Variants in CAMTA1 observed in about 807,000 individuals in gnomAD.
The protein encoded by CAMTA1 is calmodulin binding transcription activator 1.
CAMTA1 carries 27 observed loss-of-function variants against 170.9 expected under a neutral mutation model. The observed-to-expected ratio is 0.16, with a 90% CI of 0.12 to 0.22. The LOEUF (loss-of-function observed/expected upper bound fraction) is 0.22, where lower values mean the gene tolerates loss of function less well. Ranked by LOEUF, CAMTA1 falls within the 10% of genes least tolerant of loss-of-function variation. The probability of loss-of-function intolerance (pLI) is 1.00; values close to 1 mark genes in which losing one functional copy is unlikely to be tolerated. For missense variants in CAMTA1, 1,619 were observed against 2,217.2 expected, an observed-to-expected ratio of 0.73 and a Z score of 5.42; for synonymous variants, 833 against 891.5, an observed-to-expected ratio of 0.93 and a Z score of 1.17.
intron 1 of CAMTA1, among the ~76,000 whole-genome samples, chr1:6,818,496 T>C (rs1353601866): frequency 6.6e-6 from 1 of 152,198 alleles, no homozygotes; most frequent in East Asian, 1.9e-4. Flanking sequence ...CTTGGGTATG[T>C]ATTACCTAAT....
chr1:7,693,617 G>C (rs571747128), intron 11 of CAMTA1: 1 of 152,364 alleles, frequency 6.6e-6, no homozygotes, highest in African/African-American at 2.4e-5. Flanking sequence ...ATTAAAATCA[G>C]CCAAGGGAGG....
chr1:7,193,632 CAT>C (rs1435244396), intron 4 of CAMTA1, among the ~76,000 whole-genome samples: 1 of 152,088 alleles, frequency 6.6e-6, no homozygotes, highest in Non-Finnish European at 1.5e-5. Context: ...TCCTTCCACT[CAT>C]GTGCCCACCT....
In CAMTA1 at chr1:7,415,913, A is replaced by G. The variant is rs1282970342; in HGVS notation, c.439-51917A>G. ...TGGCTGGTACTGGTTGTTCCTTTCC[A>G]TGTTTAGTGCTTCCTTCAGGAGCTC... On this transcript the variant is annotated intron_variant, in intron 5 of 22. Transcript: ENST00000303635. Among the ~76,000 whole-genome samples, 6 of 152,134 alleles carry G rather than the reference A, an allele frequency of 3.9e-5. No homozygotes were observed. In the East Asian group the frequency reaches 9.7e-4, roughly 25 times the overall value.
At chr1:6,837,605 C>G (rs183458665) in intron 3 of CAMTA1, among the ~76,000 whole-genome samples, 1 of 152,106 alleles carries the variant, frequency 6.6e-6, no homozygotes, top group African/African-American at 2.4e-5. Flanking sequence ...AGTCATTTCC[C>G]GTTTTTCCTG....
At chr1:7,118,223 G>A (rs1035862801) in intron 4 of CAMTA1, among the ~76,000 whole-genome samples, 3 of 152,022 alleles carry the variant, frequency 2.0e-5, no homozygotes, top group South Asian at 4.2e-4. Flanking sequence ...TTGCCTGATG[G>A]AGGGACTCTA....
intron 7 of CAMTA1, among the ~76,000 whole-genome samples, chr1:7,659,134 G>T (rs1182647904): frequency 6.6e-6 from 1 of 152,208 alleles, no homozygotes; most frequent in Non-Finnish European, 1.5e-5. Flanking sequence ...GGGAAGGAAA[G>T]GGAGCGGACA....
chr1:7,450,624 G>T (rs1451930610), intron 5 of CAMTA1, among the ~76,000 whole-genome samples: 1 of 152,234 alleles, frequency 6.6e-6, no homozygotes, highest in Non-Finnish European at 1.5e-5. Context: ...CCCCGTGCAG[G>T]TTAGCAGCAC....
chr1:6,943,318 C>T (rs1330423240), intron 3 of CAMTA1, among the ~76,000 whole-genome samples: 3 of 151,984 alleles, frequency 2.0e-5, no homozygotes, highest in African/African-American at 7.3e-5. Context: ...CCCTTGTCTC[C>T]CATTGTCTAC....
chr1:7,597,571 T>C (rs1576313035), intron 6 of CAMTA1, among the ~76,000 whole-genome samples: 1 of 152,130 alleles, frequency 6.6e-6, no homozygotes, highest in East Asian at 1.9e-4. Context: ...AGGATGTGTA[T>C]ATATATGGAG....
chr1:7,385,698 C>T (rs2087878905), intron 5 of CAMTA1, among the ~76,000 whole-genome samples: 1 of 152,206 alleles, frequency 6.6e-6, no homozygotes, highest in Non-Finnish European at 1.5e-5. Flanking sequence ...CAGCGTGCTC[C>T]ACCCAGCACG....
At chr1:7,690,176 A>G (rs1558138192) in intron 11 of CAMTA1, among the ~76,000 whole-genome samples, 1 of 152,200 alleles carries the variant, frequency 6.6e-6, no homozygotes, top group African/African-American at 2.4e-5. Flanking sequence ...AATAAGAAGA[A>G]AGAGCCAGCT....
intron 4 of CAMTA1, among the ~76,000 whole-genome samples, chr1:7,222,988 A>G (rs1258868377): frequency 6.6e-6 from 1 of 152,254 alleles, no homozygotes; most frequent in Non-Finnish European, 1.5e-5. Flanking sequence ...ACCCAATGCC[A>G]AGTCTTCACT....
At position 6,798,768 on chromosome 1, in the gene CAMTA1, T is replaced by G. The variant is rs1207444276; in HGVS notation, c.45+13193T>G. On this transcript the variant is annotated intron_variant, in intron 1 of 22. Transcript: ENST00000303635. ...CCCGCCACCGCGCCCGGCTAATTTT[T>G]TGTATTTTTAGTAGAGACGGGGTTT... is the stretch of plus-strand genomic sequence containing the variant. 1.4e-5 allele frequency among the ~76,000 whole-genome samples: 2 copies of G among 144,288 alleles called. 1 individual carries two copies. Among genetic ancestry groups the G allele is most frequent in the East Asian group, 4.3e-4 (2 of 4,612 alleles). 94.7% of individuals were successfully genotyped at this position (144,288 alleles called of 152,430 possible). A position where few individuals can be genotyped will look rare whatever the true frequency, so the allele number is the denominator to read the frequency against.
intron 5 of CAMTA1, among the ~76,000 whole-genome samples, chr1:7,403,182 G>A (rs151175437): frequency 2.6e-3 from 392 of 152,074 alleles, no homozygotes; most frequent in African/African-American, 8.9e-3. Context: ...GCAAAACCCC[G>A]TCTCTACTAA....
intron 5 of CAMTA1, among the ~76,000 whole-genome samples, chr1:7,263,043 A>G (rs947910640): frequency 2.6e-4 from 39 of 152,094 alleles, no homozygotes; most frequent in Non-Finnish European, 1.6e-4. Context: ...TTCAGACATG[A>G]TATGAAATGT....
intron 5 of CAMTA1, among the ~76,000 whole-genome samples, chr1:7,339,360 T>C (rs537230324): frequency 6.6e-6 from 1 of 152,236 alleles, no homozygotes; most frequent in South Asian, 2.1e-4. Flanking sequence ...GATACAGCAG[T>C]CAGGGAAGCC....
chr1:7,504,687 C>T lies in CAMTA1; in HGVS notation c.510+36786C>T, dbSNP rs530060780. ...TAGAGGGGAGAGGTGAGGTCCAGAA[C>T]ATTCTAGAGCAGTGGTCCTCCATGT... is the stretch of plus-strand genomic sequence containing the variant. On this transcript the variant is annotated intron_variant, in intron 6 of 22. Transcript: ENST00000303635. Among the ~76,000 whole-genome samples, 19 of 152,402 alleles carry T rather than the reference C, an allele frequency of 1.2e-4. No homozygotes were observed. The South Asian group carries it at 3.9e-3, about 32-fold the overall frequency.
chr1:7,193,677 CAG>C (rs1436297792), intron 4 of CAMTA1, among the ~76,000 whole-genome samples: 1 of 152,126 alleles, frequency 6.6e-6, no homozygotes, highest in East Asian at 1.9e-4. Context: ...GAGCCACACA[CAG>C]AGGGTCTGGT....
intron 3 of CAMTA1, among the ~76,000 whole-genome samples, chr1:6,959,233 A>G (rs1398311877): frequency 6.6e-6 from 1 of 152,216 alleles, no homozygotes; most frequent in Non-Finnish European, 1.5e-5. Context: ...CTGGGAGAAA[A>G]GGGTGGCCAC....
Sources: allele counts gnomAD v4.1 joint callset (sites outside exome capture counted in the v4.1 genomes callset), GRCh38; gene constraint gnomAD v4.1.1; transcripts MANE v1.5; gene names NCBI Gene and HGNC (gene_info 2026-07-23, HGNC 2026-07-21).